AKAP13: variants seen among roughly 807,000 people sequenced by gnomAD.
AKAP13 encodes A-kinase anchoring protein 13, also known as A-kinase anchor protein 13.
AKAP13 carries 80 observed loss-of-function variants against 264.5 expected under a neutral mutation model. That is an observed-to-expected ratio of 0.30 (90% confidence interval 0.25 to 0.36). The LOEUF is 0.36. AKAP13 is among the 10% of genes least tolerant of loss of function. The probability of loss-of-function intolerance (pLI) is 1.00; values close to 1 mark genes in which losing one functional copy is unlikely to be tolerated. For missense variants in AKAP13, 3,712 were observed against 3,435.2 expected (o/e 1.08, Z -2.01); for synonymous variants, 1,380 against 1,250.2 (o/e 1.10, Z -2.19).
intron 29 of AKAP13, among the ~76,000 whole-genome samples, 174 bp from the exon 30 acceptor site, chr15:85,730,339 C>A (rs183577802): frequency 6.6e-6 from 1 of 152,320 alleles, no homozygotes; most frequent in East Asian, 1.9e-4. Flanking sequence ...AGATAGAAAT[C>A]ACAGAACAGA....
intron 13 of AKAP13, among the ~76,000 whole-genome samples, chr15:85,669,106 C>T (rs143416972): frequency 0.038 from 5,823 of 152,096 alleles, 148 homozygotes; most frequent in Non-Finnish European, 0.063. Flanking sequence ...CGTGGTGGCG[C>T]GCACCTGTAA....
At chr15:85,543,288 A>G (rs1275736127) in intron 4 of AKAP13, among the ~76,000 whole-genome samples, 4 of 152,230 alleles carry the variant, frequency 2.6e-5, no homozygotes, top group Admixed American at 1.3e-4. Flanking sequence ...GTGTTTAACT[A>G]GCCAACTCCT....
intron 9 of AKAP13, among the ~76,000 whole-genome samples, chr15:85,642,668 C>G (rs1385024897): frequency 6.6e-6 from 1 of 152,196 alleles, no homozygotes; most frequent in African/African-American, 2.4e-5. Context: ...ACAGAGCAGA[C>G]TCTCGTCCCA....
intron 8 of AKAP13, among the ~76,000 whole-genome samples, chr15:85,629,780 T>TTC (rs2081611158): frequency 8.3e-6 from 1 of 120,862 alleles, no homozygotes; most frequent in African/African-American, 3.1e-5. Context: ...TTTTTTTTTT[T>TTC]TTTTTTTTTT....
At chr15:85,415,119 A>G (rs572975014) in intron 1 of AKAP13, 1 of 666,146 alleles carries the variant, frequency 1.5e-6, no homozygotes, top group South Asian at 1.8e-5. Flanking sequence ...TAGTAACAGC[A>G]TCCCAGGAGT....
At position 85,708,477 on chromosome 15, in the gene AKAP13, C is replaced by A. The variant is rs988369511; in HGVS notation, c.5532+391C>A. ...AGCAGGTGGAGGTCAGGGGCATTGA[C>A]CTGCTGGTGGGGGTGGGGAGGGTGT... On this transcript the variant is annotated intron_variant, in intron 18 of 36. Transcript: ENST00000394518. The surrounding 1 kb of genome is among the most constrained non-coding windows in gnomAD (Gnocchi z 4.3). Among the ~76,000 whole-genome samples the A allele has an allele frequency of 1.3e-5, 2 of 152,106 alleles. No individual in the cohort carries two copies. Among genetic ancestry groups the A allele is most frequent in the African/African-American group, 4.8e-5 (2 of 41,404 alleles).
intron 1 of AKAP13, among the ~76,000 whole-genome samples, chr15:85,421,026 G>T (rs1429236920): frequency 6.6e-6 from 1 of 152,150 alleles, no homozygotes; most frequent in Non-Finnish European, 1.5e-5. Flanking sequence ...CCAATATATA[G>T]ACTTTTATTA....
chr15:85,543,719 T>G, intron 4 of AKAP13, 53 bp from the exon 5 acceptor site: 1 of 1,535,420 alleles, frequency 6.5e-7, no homozygotes, highest in Non-Finnish European at 8.8e-7. Flanking sequence ...TGTTTGTTTG[T>G]TTTTTGTTTT....
chr15:85,502,392 A>G (rs2076060178), intron 2 of AKAP13, among the ~76,000 whole-genome samples: 1 of 152,152 alleles, frequency 6.6e-6, no homozygotes, highest in South Asian at 2.1e-4. Context: ...AGCATTTAAC[A>G]TATGTAATTT....
At chr15:85,572,023 T>C (rs1019854565) in intron 5 of AKAP13, among the ~76,000 whole-genome samples, 2 of 152,170 alleles carry the variant, frequency 1.3e-5, no homozygotes, top group Non-Finnish European at 2.9e-5. Context: ...GTAAGTAGGC[T>C]GTGGTTAGAG....
chr15:85,743,952 T>C (rs749125276), intron 36 of AKAP13, 127 bp downstream of exon 36: 70 of 1,106,028 alleles, frequency 6.3e-5, no homozygotes, highest in Non-Finnish European at 8.7e-5. Context: ...CAAACTGCCA[T>C]CCTTTTCACC....
intron 16 of AKAP13, 81 bp downstream of exon 16, chr15:85,684,954 A>C: frequency 1.4e-6 from 2 of 1,454,482 alleles, no homozygotes; most frequent in South Asian, 2.9e-5. Context: ...AACTGGTTAA[A>C]TCATGGGGAC....
At chr15:85,589,426 T>A (rs1055532513) in intron 8 of AKAP13, among the ~76,000 whole-genome samples, 5 of 152,066 alleles carry the variant, frequency 3.3e-5, no homozygotes, top group African/African-American at 4.8e-5. Flanking sequence ...TCGTGAAATA[T>A]TATTGTTTTG....
intron 1 of AKAP13, among the ~76,000 whole-genome samples, chr15:85,381,256 A>C (rs1443256653): frequency 6.6e-6 from 1 of 151,934 alleles, no homozygotes. Context: ...CGCGCCGTGA[A>C]CAAGTGCTGC....
chr15:85,419,173 A>G (rs986586636), intron 1 of AKAP13, among the ~76,000 whole-genome samples: 1 of 152,232 alleles, frequency 6.6e-6, no homozygotes, highest in Non-Finnish European at 1.5e-5. Context: ...GTATCATATC[A>G]TCATAGGATT....
rs112134527 is a variant in AKAP13 at position 85,579,248 on chromosome 15, G to A, written c.1180G>A (p.Val394Ile). 4 of 1,614,234 alleles carry A rather than the reference G, an allele frequency of 2.5e-6. No homozygotes were observed. Among genetic ancestry groups the A allele is most frequent in the African/African-American group, 2.7e-5 (2 of 75,060 alleles). Residue 394 changes from valine to isoleucine, a missense_variant, in exon 7 of 37, where the codon GTA becomes ATA. By Grantham distance (29) the Val-to-Ile change is conservative. Around this residue, in one of 3 missense-constraint regions of AKAP13, gnomAD observed 2,759 missense variants for 2,411.7 expected, o/e 1.14. Coordinates refer to ENST00000394518, the MANE Select transcript of AKAP13 (RefSeq NM_007200.5). ...AGCACCTATTGTGGACTCTGGAACT[G>A]TATCTGATCAAGACAGCTGCCTTCA... ...EPAPIVDSGT[V>I]SDQDSCLQSL...
At chr15:85,490,087 A>G (rs2075681422) in intron 2 of AKAP13, among the ~76,000 whole-genome samples, 1 of 152,222 alleles carries the variant, frequency 6.6e-6, no homozygotes, top group South Asian at 2.1e-4. Flanking sequence ...TTGCATTTTC[A>G]GTTCCATTTA....
intron 8 of AKAP13, among the ~76,000 whole-genome samples, chr15:85,625,314 C>G (rs1049444880): frequency 2.6e-5 from 4 of 152,130 alleles, no homozygotes; most frequent in Admixed American, 1.3e-4. Context: ...TCTTTAAACT[C>G]AAATTATTTG....
chr15:85,676,266 G>A (rs2084223049), intron 14 of AKAP13, among the ~76,000 whole-genome samples: 1 of 152,192 alleles, frequency 6.6e-6, no homozygotes, highest in Admixed American at 6.5e-5. Flanking sequence ...CCTAAACCAA[G>A]GCAGAGAGCA....
Sources: gnomAD v4.1 joint callset for allele counts (sites outside exome capture counted in the v4.1 genomes callset) on GRCh38, gnomAD v4.1.1 for gene constraint, gnomAD v4.1.1 regional missense constraint, Gnocchi (gnomAD v3.1) non-coding constraint, MANE v1.5 for transcripts, NCBI Gene and HGNC (gene_info 2026-07-23, HGNC 2026-07-21) for gene names.